Variants in B3GAT2 observed in about 807,000 individuals in gnomAD.
B3GAT2 encodes the protein galactosylgalactosylxylosylprotein 3-beta-glucuronosyltransferase 2.
In B3GAT2, 26 loss-of-function variants were observed where a neutral mutation model predicts 27.8. That is an observed-to-expected ratio of 0.93 (90% CI 0.68 to 1.30). The LOEUF (loss-of-function observed/expected upper bound fraction) is 1.30, where lower values mean the gene tolerates loss of function less well. B3GAT2 is among the 50% of genes most tolerant of loss of function. The pLI is 0.00. For synonymous variants in B3GAT2, 218 were observed against 195.1 expected, an observed-to-expected ratio of 1.12 and a Z score of -0.98; for missense variants, 458 against 459.0, an observed-to-expected ratio of 1.00 and a Z score of 0.02.
intron 1 of B3GAT2, among the ~76,000 whole-genome samples, chr6:70,911,083 A>C (rs916653364): frequency 1.2e-4 from 18 of 152,118 alleles, no homozygotes; most frequent in African/African-American, 4.3e-4. Context: ...TGTCAGATGC[A>C]TACTTTACAA....
At chr6:70,889,760 T>A (rs1410955353) in intron 2 of B3GAT2, among the ~76,000 whole-genome samples, 1 of 148,664 alleles carries the variant, frequency 6.7e-6, no homozygotes, top group Non-Finnish European at 1.5e-5. Flanking sequence ...ATCAAATCTC[T>A]CCCCCTCTGC....
chr6:70,918,232 T>C (rs1156397514), intron 1 of B3GAT2, among the ~76,000 whole-genome samples: 1 of 152,164 alleles, frequency 6.6e-6, no homozygotes, highest in Non-Finnish European at 1.5e-5. Context: ...CAAACCCTTT[T>C]TTTTGCTTTC....
chr6:70,888,599 A>T (rs148580343), intron 2 of B3GAT2, among the ~76,000 whole-genome samples: 1 of 151,810 alleles, frequency 6.6e-6, no homozygotes, highest in Non-Finnish European at 1.5e-5. Flanking sequence ...CTCCTCCCCC[A>T]TTCATCCCAC....
At chr6:70,879,901 G>T (rs1772073057) in intron 2 of B3GAT2, among the ~76,000 whole-genome samples, 1 of 152,202 alleles carries the variant, frequency 6.6e-6, no homozygotes. Flanking sequence ...AGGCTCGGGG[G>T]TGGGGATGCC....
In B3GAT2 at chr6:70,956,844, C is replaced by A. The variant is rs1339168421; in HGVS notation, c.-415G>T. ...CTCCAGTCCGGCGGTGCTGCGGGCA[C>A]AAGGGCTCCAGCCGCGGGCCCCCAG... On this transcript the variant is annotated 5_prime_UTR_variant, in exon 1 of 4. Transcript: ENST00000230053. The A allele has an allele frequency of 4.8e-6, 5 of 1,039,096 alleles. No homozygotes were observed. Among genetic ancestry groups the A allele is most frequent in the Non-Finnish European group, 5.8e-6 (5 of 864,788 alleles). The allele number at this position is 1,039,096 out of a possible 1,614,324, so 64.4% of individuals were successfully genotyped here. A position where few individuals can be genotyped will look rare whatever the true frequency, so the allele number is the denominator to read the frequency against.
Position 70,857,139 on chromosome 6 carries a change from TTTG to T in B3GAT2, c.*4521_*4523del, listed in dbSNP as rs1771460809. On this transcript the variant is annotated 3_prime_UTR_variant, in exon 4 of 4. Coordinates refer to ENST00000230053, the MANE Select transcript of B3GAT2 (RefSeq NM_080742.3). Reference sequence around the variant, plus strand: ...TTTATTGTTCCATGTAGTGAGTGCTTTTGTTGTTGCAGTTTATACAACTATGAA... The same window carrying T: ...TTTATTGTTCCATGTAGTGAGTGCTTTTGTTGCAGTTTATACAACTATGAA... 2 of 1,133,922 alleles carry T rather than the reference TTTG, an allele frequency of 1.8e-6. No individual in the cohort carries two copies. The highest frequency in any genetic ancestry group is 2.6e-5 in the South Asian group (1 of 38,492). The allele number at this position is 1,133,922 out of a possible 1,614,324, so 70.2% of individuals were successfully genotyped here.
chr6:70,939,662 C>T lies in B3GAT2; in HGVS notation c.591+16177G>A, dbSNP rs149561162. The stretch of plus-strand genomic sequence containing the variant: ...TATTGCAAGGACAAAAAACCAACAC[C>T]GCATGTTCTCACTCATAGATGGGAA... On this transcript the variant is annotated intron_variant, in intron 1 of 3. Transcript: ENST00000230053. Among the ~76,000 whole-genome samples the T allele has an allele frequency of 6.4e-3, 963 of 151,404 alleles. 16 individuals are homozygous for T. In the East Asian group the frequency reaches 0.083, roughly 13 times the overall value.
intron 1 of B3GAT2, among the ~76,000 whole-genome samples, chr6:70,952,987 T>G (rs933771572): frequency 5.3e-5 from 8 of 152,218 alleles, no homozygotes; most frequent in Admixed American, 1.3e-4. Context: ...CAGCCAATAC[T>G]TACGGAGCTA....
chr6:70,952,626 A>G (rs10945274), intron 1 of B3GAT2, among the ~76,000 whole-genome samples: 19,530 of 152,174 alleles, frequency 0.13, 2,375 homozygotes, highest in African/African-American at 0.32. Context: ...CCTGTGATCC[A>G]CAGTGCAAAA....
At position 70,946,683 on chromosome 6, in the gene B3GAT2, G is replaced by C. The variant is rs1295400106; in HGVS notation, c.591+9156C>G. Among the ~76,000 whole-genome samples the C allele has an allele frequency of 2.0e-5, 3 of 152,196 alleles. No homozygotes were observed. The East Asian group carries it at 5.8e-4, about 29-fold the overall frequency. ...ATTAGACAGATCAACGAGACAGAAA[G>C]TTAACAAGGATACACAGGAATTGAA... is the stretch of plus-strand genomic sequence containing the variant. On this transcript the variant is annotated intron_variant, in intron 1 of 3. Transcript: ENST00000230053.
chr6:70,894,687 A>G (rs555411236), intron 1 of B3GAT2, among the ~76,000 whole-genome samples: 2 of 152,362 alleles, frequency 1.3e-5, no homozygotes, highest in South Asian at 2.1e-4. Context: ...CAGAGAAGTC[A>G]CAGGAGCGTC....
chr6:70,857,104 T>C lies in B3GAT2; in HGVS notation c.*4559A>G, dbSNP rs1183674174. The C allele has an allele frequency of 2.9e-6, 4 of 1,379,778 alleles. No individual in the cohort carries two copies. In the African/African-American group the frequency reaches 5.9e-5, roughly 20 times the overall value. The allele number at this position is 1,379,778 out of a possible 1,614,324, so 85.5% of individuals were successfully genotyped here. ...CTTTGTAATTATATAATAAGATCAA[T>C]TATATATCTTTTATTGTTCCATGTA... On this transcript the variant is annotated 3_prime_UTR_variant, in exon 4 of 4. Coordinates refer to ENST00000230053, the MANE Select transcript of B3GAT2 (RefSeq NM_080742.3).
chr6:70,926,943 A>T (rs968707007), intron 1 of B3GAT2, among the ~76,000 whole-genome samples: 7 of 152,344 alleles, frequency 4.6e-5, no homozygotes, highest in African/African-American at 1.4e-4. Flanking sequence ...CGGGTTACCC[A>T]CAAAGGGAAG....
chr6:70,934,815 A>G (rs1773116980), intron 1 of B3GAT2, among the ~76,000 whole-genome samples: 1 of 152,244 alleles, frequency 6.6e-6, no homozygotes, highest in South Asian at 2.1e-4. Context: ...ATTTGTCAAT[A>G]CAGAATATAT....
rs542233132 is a variant in B3GAT2 at position 70,879,166 on chromosome 6, C to T, written c.736+14962G>A. Among the ~76,000 whole-genome samples the T allele has an allele frequency of 4.1e-4, 62 of 151,508 alleles. 2 individuals carry two copies. In the South Asian group the frequency reaches 8.6e-3, roughly 21 times the overall value. On this transcript the variant is annotated intron_variant, in intron 2 of 3. Coordinates refer to ENST00000230053, the MANE Select transcript of B3GAT2 (RefSeq NM_080742.3). ...TTATTCTAATTCACTTTGGCTAAAG[C>T]GCTTTCCTTAAGTGACTTTGTTTTT...
chr6:70,886,878 G>A (rs1447320302), intron 2 of B3GAT2, among the ~76,000 whole-genome samples: 2 of 152,128 alleles, frequency 1.3e-5, no homozygotes, highest in African/African-American at 4.8e-5. Context: ...TGTCCCTGTG[G>A]TTCTATAAGT....
At chr6:70,939,429 T>C (rs1359717740) in intron 1 of B3GAT2, among the ~76,000 whole-genome samples, 2 of 150,996 alleles carry the variant, frequency 1.3e-5, no homozygotes, top group East Asian at 3.9e-4. Context: ...ATCATGCTGC[T>C]ATAAAGACAC....
At chr6:70,883,628 G>A (rs1582350495) in intron 2 of B3GAT2, among the ~76,000 whole-genome samples, 1 of 152,128 alleles carries the variant, frequency 6.6e-6, no homozygotes, top group African/African-American at 2.4e-5. Flanking sequence ...GATGGAAAAG[G>A]TGTGGAGTTG....
chr6:70,956,777 G>A lies in B3GAT2; in HGVS notation c.-348C>T. The A allele has an allele frequency of 8.7e-7, 1 of 1,151,434 alleles. No individual in the cohort carries two copies. The highest frequency in any genetic ancestry group is 1.1e-6 in the Non-Finnish European group (1 of 934,396). 71.3% of individuals were successfully genotyped at this position (1,151,434 alleles called of 1,614,324 possible). On this transcript the variant is annotated 5_prime_UTR_variant, in exon 1 of 4. Coordinates refer to ENST00000230053, the MANE Select transcript of B3GAT2 (RefSeq NM_080742.3). Reference sequence around the variant, plus strand: ...CGCTGATCCCCACCGCGCTCTTTCTGAAGAGTGGAAGCCGAGAAGCGGCAC... The same window carrying A: ...CGCTGATCCCCACCGCGCTCTTTCTAAAGAGTGGAAGCCGAGAAGCGGCAC...
Sources: allele counts gnomAD v4.1 joint callset (sites outside exome capture counted in the v4.1 genomes callset), GRCh38; gene constraint gnomAD v4.1.1; transcripts MANE v1.5; gene names NCBI Gene and HGNC (gene_info 2026-07-23, HGNC 2026-07-21).